RTN1: variants seen among roughly 807,000 people sequenced by gnomAD.
The protein encoded by RTN1 is reticulon 1, also known as reticulon-1.
RTN1 carries 25 observed loss-of-function variants against 65.5 expected under a neutral mutation model. That is an observed-to-expected ratio of 0.38 (90% CI 0.28 to 0.53). The LOEUF (loss-of-function observed/expected upper bound fraction) is 0.53. Among genes scored for constraint, RTN1 ranks in the 20% least tolerant of loss-of-function variants. The pLI, the probability that RTN1 is intolerant of heterozygous loss-of-function variation, is 0.79. For missense variants in RTN1, 983 were observed against 1,025.4 expected (o/e 0.96, Z 0.57); for synonymous variants, 471 against 447.6 (o/e 1.05, Z -0.66).
At chr14:59,630,944 G>A in intron 3 of RTN1, 3 of 612,562 alleles carry the variant, frequency 4.9e-6, no homozygotes, top group Non-Finnish European at 6.1e-6. Context: ...AATATGCGAG[G>A]TGCATATTCT....
At chr14:59,637,582 C>T (rs924160271) in intron 3 of RTN1, among the ~76,000 whole-genome samples, 1 of 151,634 alleles carries the variant, frequency 6.6e-6, no homozygotes, top group African/African-American at 2.4e-5. Flanking sequence ...TGTGGTGGTG[C>T]GTGCCTGTAG....
intron 1 of RTN1, among the ~76,000 whole-genome samples, chr14:59,864,243 C>T (rs912448075): frequency 1.3e-5 from 2 of 152,112 alleles, no homozygotes; most frequent in African/African-American, 2.4e-5. Context: ...CTATCATTCT[C>T]CCCTTGCTTA....
chr14:59,785,092 C>A (rs1400830901), intron 1 of RTN1, among the ~76,000 whole-genome samples: 1 of 152,128 alleles, frequency 6.6e-6, no homozygotes, highest in Non-Finnish European at 1.5e-5. Context: ...TGGATAAATC[C>A]CACAGTAGTT....
chr14:59,634,385 T>C (rs766082504), intron 3 of RTN1, among the ~76,000 whole-genome samples: 1 of 152,218 alleles, frequency 6.6e-6, no homozygotes, highest in Non-Finnish European at 1.5e-5. Context: ...GAGAACTCTA[T>C]GCCATATGGA....
intron 1 of RTN1, among the ~76,000 whole-genome samples, chr14:59,833,711 G>A (rs926497322): frequency 2.0e-5 from 3 of 152,030 alleles, no homozygotes; most frequent in Non-Finnish European, 4.4e-5. Context: ...GTAGGCCCTG[G>A]TGTCTATTGT....
At chr14:59,717,987 C>T (rs193300033) in intron 3 of RTN1, among the ~76,000 whole-genome samples, 11 of 152,138 alleles carry the variant, frequency 7.2e-5, no homozygotes, top group Non-Finnish European at 1.5e-4. Context: ...GGGGTGAGCC[C>T]GGGAATTCTG....
chr14:59,787,410 A>C (rs910078353), intron 1 of RTN1, among the ~76,000 whole-genome samples: 1 of 152,216 alleles, frequency 6.6e-6, no homozygotes, highest in Non-Finnish European at 1.5e-5. Context: ...TCATAGGTCC[A>C]TGTGAGGAAT....
chr14:59,749,216 ATATC>A lies in RTN1; in HGVS notation c.242-2739_242-2736del, dbSNP rs1163434218. ...TATATATCTATATATATATCTATAT[ATATC>A]TATATATCTATATATATCTATATAT... On this transcript the variant is annotated intron_variant, in intron 1 of 8. Coordinates refer to ENST00000267484, the MANE Select transcript of RTN1 (RefSeq NM_021136.3). Among the ~76,000 whole-genome samples, 8 of 85,192 alleles carry A rather than the reference ATATC, an allele frequency of 9.4e-5. 2 individuals carry two copies. The highest frequency in any genetic ancestry group is 4.7e-4 in the African/African-American group (5 of 10,662). The allele number at this position is 85,192 out of a possible 152,430, so 55.9% of individuals were successfully genotyped here.
chr14:59,786,662 A>T (rs1215885730), intron 1 of RTN1, among the ~76,000 whole-genome samples: 1 of 152,214 alleles, frequency 6.6e-6, no homozygotes, highest in Non-Finnish European at 1.5e-5. Context: ...AAGGAAAAAG[A>T]CAAAGAGGCA....
intron 1 of RTN1, among the ~76,000 whole-genome samples, chr14:59,791,597 C>G (rs1886349497): frequency 6.6e-6 from 1 of 152,204 alleles, no homozygotes; most frequent in Non-Finnish European, 1.5e-5. Flanking sequence ...GGATCCCACT[C>G]TCCTCCCAGC....
intron 4 of RTN1, among the ~76,000 whole-genome samples, chr14:59,606,296 G>A (rs962726145): frequency 6.6e-6 from 1 of 151,674 alleles, no homozygotes; most frequent in Admixed American, 6.6e-5. Context: ...GAGATAAAAA[G>A]AGTAAAGCAG....
At chr14:59,599,398 T>C (rs998230546) in intron 8 of RTN1, among the ~76,000 whole-genome samples, 4 of 152,222 alleles carry the variant, frequency 2.6e-5, no homozygotes, top group Non-Finnish European at 2.9e-5. Context: ...ATCTGGAACT[T>C]TGACAAAGAT....
intron 1 of RTN1, among the ~76,000 whole-genome samples, chr14:59,822,237 G>T (rs769063322): frequency 1.3e-5 from 2 of 152,120 alleles, no homozygotes; most frequent in Non-Finnish European, 2.9e-5. Context: ...GTTCAGTCTT[G>T]GGAGGTTGTA....
At chr14:59,733,531 G>A (rs1171937095) in intron 2 of RTN1, among the ~76,000 whole-genome samples, 1 of 152,102 alleles carries the variant, frequency 6.6e-6, no homozygotes, top group Non-Finnish European at 1.5e-5. Flanking sequence ...GCTCAGAGGA[G>A]GGGAGGGCTC....
At chr14:59,632,641 A>G (rs1887887887) in intron 3 of RTN1, among the ~76,000 whole-genome samples, 1 of 152,216 alleles carries the variant, frequency 6.6e-6, no homozygotes, top group Admixed American at 6.5e-5. Context: ...TGTGTCCACC[A>G]CATTACGGGA....
At chr14:59,652,560 T>C (rs1292053580) in intron 3 of RTN1, among the ~76,000 whole-genome samples, 1 of 152,160 alleles carries the variant, frequency 6.6e-6, no homozygotes, top group Non-Finnish European at 1.5e-5. Context: ...CCATTATTCT[T>C]AGCAAACTGA....
At chr14:59,662,755 T>C (rs1316363688) in intron 3 of RTN1, among the ~76,000 whole-genome samples, 6 of 151,994 alleles carry the variant, frequency 3.9e-5, no homozygotes, top group African/African-American at 1.5e-4. Context: ...CACTGCTCAA[T>C]GAAATAAGAG....
At chr14:59,750,171 C>T (rs1359740530) in intron 1 of RTN1, among the ~76,000 whole-genome samples, 2 of 50,012 alleles carry the variant, frequency 4.0e-5, no homozygotes, top group East Asian at 6.6e-4. Flanking sequence ...TATATTATAT[C>T]TATAATATAT....
Position 59,829,359 on chromosome 14 carries a change from A to T in RTN1, c.241+41031T>A, listed in dbSNP as rs1470840729. ...GTTTGGAGGAGTTTCATGCCCCTGT[A>T]ATTAAGGTATGCATTAAAAAACACC... On this transcript the variant is annotated intron_variant, in intron 1 of 8. Coordinates refer to ENST00000267484, the MANE Select transcript of RTN1 (RefSeq NM_021136.3). The surrounding 1 kb of genome is among the most constrained non-coding windows in gnomAD (Gnocchi z 4.3). Among the ~76,000 whole-genome samples the T allele has an allele frequency of 6.6e-6, 1 of 152,142 alleles. No individual in the cohort carries two copies. The highest frequency in any genetic ancestry group is 1.5e-5 in the Non-Finnish European group (1 of 68,022).
Sources: allele counts gnomAD v4.1 joint callset (sites outside exome capture counted in the v4.1 genomes callset), GRCh38; gene constraint gnomAD v4.1.1; non-coding constraint Gnocchi (gnomAD v3.1); transcripts MANE v1.5; gene names NCBI Gene and HGNC (gene_info 2026-07-23, HGNC 2026-07-21).